The following AP3S1 variants were observed in gnomAD, a reference collection of about 807,000 sequenced individuals.
AP3S1 encodes adaptor related protein complex 3 subunit sigma 1.
A neutral mutation model predicts 21.3 loss-of-function variants in AP3S1; 12 were observed. The observed-to-expected ratio is 0.56, with a 90% confidence interval of 0.36 to 0.91. The LOEUF is 0.91. Ranked by LOEUF, AP3S1 falls within the 40% of genes least tolerant of loss-of-function variation. The pLI, the probability that AP3S1 is intolerant of heterozygous loss-of-function variation, is 0.01. For synonymous variants in AP3S1, 48 were observed against 78.4 expected, an observed-to-expected ratio of 0.61 and a Z score of 2.05; for missense variants, 116 against 225.0, an observed-to-expected ratio of 0.52 and a Z score of 3.10.
At chr5:115,853,008 T>C (rs544176901) in intron 1 of AP3S1, 12 of 453,970 alleles carry the variant, frequency 2.6e-5, no homozygotes, top group African/African-American at 2.4e-4. Context: ...AATTGCCAAA[T>C]CATATGGTAA....
At chr5:115,860,822 A>T (rs1027205795) in intron 1 of AP3S1, among the ~76,000 whole-genome samples, 1 of 152,210 alleles carries the variant, frequency 6.6e-6, no homozygotes, top group Non-Finnish European at 1.5e-5. Context: ...ACAAAGGCAG[A>T]TGTGTGTTTA....
intron 4 of AP3S1, among the ~76,000 whole-genome samples, chr5:115,900,089 T>C (rs1006424407): frequency 1.2e-4 from 18 of 151,960 alleles, no homozygotes; most frequent in Non-Finnish European, 2.4e-4. Flanking sequence ...AAGGTAGAAA[T>C]AATATTCAAT....
chr5:115,901,437 C>G (rs1387364052), intron 4 of AP3S1, among the ~76,000 whole-genome samples: 2 of 140,892 alleles, frequency 1.4e-5, no homozygotes, highest in African/African-American at 5.3e-5. Flanking sequence ...TTTCAAAACA[C>G]TGTCATGTCT....
intron 1 of AP3S1, among the ~76,000 whole-genome samples, chr5:115,855,318 C>T (rs112508883): frequency 3.3e-5 from 5 of 152,164 alleles, no homozygotes; most frequent in African/African-American, 9.6e-5. Context: ...GAATTACAGG[C>T]GTGAGCCACC....
chr5:115,873,278 T>C (rs1410113272), intron 3 of AP3S1, among the ~76,000 whole-genome samples: 1 of 152,220 alleles, frequency 6.6e-6, no homozygotes. Context: ...AATTCTGTCA[T>C]GTACTCGTGG....
intron 1 of AP3S1, among the ~76,000 whole-genome samples, chr5:115,858,223 T>G (rs1410163542): frequency 1.3e-5 from 2 of 152,178 alleles, no homozygotes; most frequent in Non-Finnish European, 2.9e-5. Flanking sequence ...GAGAAAAAGG[T>G]CATGGGAAGT....
intron 3 of AP3S1, among the ~76,000 whole-genome samples, chr5:115,876,973 C>A (rs1748776074): frequency 6.6e-6 from 1 of 152,078 alleles, no homozygotes; most frequent in Non-Finnish European, 1.5e-5. Flanking sequence ...GTTTCATTTT[C>A]CCATGGTGCT....
intron 4 of AP3S1, among the ~76,000 whole-genome samples, chr5:115,898,950 C>T (rs976327119): frequency 3.3e-5 from 5 of 152,136 alleles, no homozygotes; most frequent in African/African-American, 9.7e-5. Context: ...GTGTTGTTGC[C>T]CATATTGGAA....
chr5:115,897,983 A>T (rs1419458971), intron 4 of AP3S1, among the ~76,000 whole-genome samples: 1 of 152,188 alleles, frequency 6.6e-6, no homozygotes, highest in Admixed American at 6.6e-5. Flanking sequence ...TTTTGTTATC[A>T]GTCAGGATGA....
chr5:115,859,076 C>A (rs530793786), intron 1 of AP3S1, among the ~76,000 whole-genome samples: 1 of 152,174 alleles, frequency 6.6e-6, no homozygotes. Flanking sequence ...GTCCAATAAT[C>A]CTTGACTGAC....
intron 3 of AP3S1, among the ~76,000 whole-genome samples, chr5:115,890,311 G>C (rs757462811): frequency 6.6e-6 from 1 of 152,128 alleles, no homozygotes; most frequent in Admixed American, 6.6e-5. Flanking sequence ...GTGGCATACT[G>C]TACAACTAAG....
intron 1 of AP3S1, among the ~76,000 whole-genome samples, chr5:115,862,086 CCTT>C (rs1352212865): frequency 6.6e-6 from 1 of 151,928 alleles, no homozygotes; most frequent in Non-Finnish European, 1.5e-5. Context: ...CCGTAATTAT[CCTT>C]CTGTGACTGG....
chr5:115,891,540 CAG>C (rs1433094857), intron 3 of AP3S1, among the ~76,000 whole-genome samples: 1 of 152,148 alleles, frequency 6.6e-6, no homozygotes. Context: ...TTACAGAACT[CAG>C]GGGAACACAT....
At chr5:115,878,270 T>C in intron 3 of AP3S1, among the ~76,000 whole-genome samples, 1 of 152,228 alleles carries the variant, frequency 6.6e-6, no homozygotes, top group Admixed American at 6.5e-5. Flanking sequence ...CATGTAGTCT[T>C]TGCCCATGCC....
intron 1 of AP3S1, among the ~76,000 whole-genome samples, chr5:115,855,056 T>TATCTATCG (rs1046876450): frequency 1.3e-5 from 2 of 151,778 alleles, no homozygotes; most frequent in African/African-American, 4.8e-5. Context: ...TCTATCTATC[T>TATCTATCG]ATCTATCTCT....
intron 3 of AP3S1, among the ~76,000 whole-genome samples, chr5:115,883,501 A>T (rs1749491934): frequency 6.6e-6 from 1 of 151,956 alleles, no homozygotes; most frequent in African/African-American, 2.4e-5. Context: ...ATGATGCCCC[A>T]CCCTGCTTCT....
chr5:115,897,164 C>G (rs967482337), intron 4 of AP3S1, among the ~76,000 whole-genome samples: 1 of 152,154 alleles, frequency 6.6e-6, no homozygotes, highest in Non-Finnish European at 1.5e-5. Context: ...ATGTATAGTA[C>G]TTGATTTTAC....
intron 3 of AP3S1, among the ~76,000 whole-genome samples, chr5:115,887,498 G>A (rs1749902298): frequency 6.6e-6 from 1 of 151,722 alleles, no homozygotes; most frequent in South Asian, 2.1e-4. Context: ...TGCCAAATAA[G>A]TGGTATTGTT....
chr5:115,904,853 G>A (rs1751504773), intron 5 of AP3S1, among the ~76,000 whole-genome samples: 1 of 152,158 alleles, frequency 6.6e-6, no homozygotes, highest in South Asian at 2.1e-4. Context: ...GGGACAAACA[G>A]TGATGCAATC....
Sources: gnomAD v4.1 joint callset for allele counts (sites outside exome capture counted in the v4.1 genomes callset) on GRCh38, gnomAD v4.1.1 for gene constraint, MANE v1.5 for transcripts, NCBI Gene and HGNC (gene_info 2026-07-23, HGNC 2026-07-21) for gene names.